The following ATG4A variants were observed in gnomAD, a reference collection of about 807,000 sequenced individuals.
The protein encoded by ATG4A is cysteine protease ATG4A.
A neutral mutation model predicts 38.4 loss-of-function variants in ATG4A; 22 were observed. That is an observed-to-expected ratio of 0.57 (90% confidence interval 0.41 to 0.82). ATG4A has a LOEUF of 0.82. Among genes scored for constraint, ATG4A ranks in the 40% least tolerant of loss-of-function variants. The pLI is 0.00. For missense variants in ATG4A, 220 were observed against 290.0 expected (o/e 0.76, Z 1.75); for synonymous variants, 86 against 100.7 (o/e 0.85, Z 0.88).
At chrX:108,126,672 A>G in intron 2 of ATG4A, 6 of 788,921 alleles carry the variant, frequency 7.6e-6, no homozygotes, top group Non-Finnish European at 1.0e-5. Context: ...CTTAAGTTTT[A>G]GATCTTTTGC....
At position 108,102,024 on chromosome X, in the gene ATG4A, T is replaced by C. The variant is rs1230034745; in HGVS notation, c.10+10188T>C. Among the ~76,000 whole-genome samples, 4 of 111,549 alleles carry C rather than the reference T, an allele frequency of 3.6e-5. No homozygotes were observed. In the Admixed American group the frequency reaches 3.8e-4, roughly 11 times the overall value. ...TTGGCTATTGTGAATAATACTGCAA[T>C]GAACATAGGAGTACAAATATCTCTT... On this transcript the variant is annotated intron_variant, in intron 1 of 12. Transcript: ENST00000372232.
chrX:108,091,841 G>C lies in ATG4A; in HGVS notation c.10+5G>C. On this transcript the variant is annotated splice_donor_5th_base_variant and intron_variant, in intron 1 of 12. Coordinates refer to ENST00000372232, the MANE Select transcript of ATG4A (RefSeq NM_052936.5). ...ACAGCTGGAGAATGGAGTCAGGTAC[G>C]GGGAGCGGCTTTGAGTGGAACCGTG... 1 of 1,211,750 alleles carries C rather than the reference G, an allele frequency of 8.3e-7. No homozygotes were observed. Among genetic ancestry groups the C allele is most frequent in the Non-Finnish European group, 1.1e-6 (1 of 895,494 alleles).
chrX:108,091,586 G>T (rs966730994), upstream of ATG4A: 5 of 1,074,475 alleles, frequency 4.7e-6, no homozygotes, highest in Middle Eastern at 2.5e-4. Flanking sequence ...CTCCGGCTAC[G>T]CCAGTCAAAA....
intron 1 of ATG4A, among the ~76,000 whole-genome samples, chrX:108,098,745 AAAGT>A (rs2031912265): frequency 8.9e-6 from 1 of 111,851 alleles, no homozygotes. Context: ...TTAGAATCAT[AAAGT>A]ATGTGACCTT....
intron 1 of ATG4A, among the ~76,000 whole-genome samples, chrX:108,096,668 T>G (rs2031831076): frequency 9.1e-6 from 1 of 110,486 alleles, no homozygotes; most frequent in Admixed American, 9.6e-5. Flanking sequence ...TTTATTTTAT[T>G]ATTTTATTTT....
Position 108,134,038 on chromosome X carries a change from AT to A in ATG4A, c.293-10del, listed in dbSNP as rs757931045. ...ACAGTTATAAAAATGTTTCTAACCC[AT>A]TTTTTTTTCTTAAAAAGACTGGAGC... On this transcript the variant is annotated intron_variant, in intron 4 of 12. Coordinates refer to ENST00000372232, the MANE Select transcript of ATG4A (RefSeq NM_052936.5). The A allele has an allele frequency of 5.0e-5, 56 of 1,112,904 alleles. No individual in the cohort carries two copies. Among genetic ancestry groups the A allele is most frequent in the East Asian group, 3.1e-4 (10 of 32,381 alleles). 91.7% of individuals were successfully genotyped at this position (1,112,904 alleles called of 1,213,427 possible). A position where few individuals can be genotyped will look rare whatever the true frequency, so the allele number is the denominator to read the frequency against.
chrX:108,134,668 A>G (rs1413183693), intron 6 of ATG4A, among the ~76,000 whole-genome samples: 1 of 112,012 alleles, frequency 8.9e-6, no homozygotes, highest in East Asian at 2.8e-4. Flanking sequence ...TCAGTGTCTC[A>G]TGCTACAGAT....
chrX:108,108,162 T>TG (rs2032241203), intron 1 of ATG4A, among the ~76,000 whole-genome samples: 1 of 97,106 alleles, frequency 1.0e-5, no homozygotes, highest in African/African-American at 3.8e-5. Context: ...TGAGGCACTT[T>TG]TTTTTTTTTT....
intron 9 of ATG4A, among the ~76,000 whole-genome samples, chrX:108,142,132 C>T (rs5973847): frequency 0.051 from 5,673 of 111,382 alleles, 122 homozygotes; most frequent in East Asian, 0.097. Context: ...TGTGGCCAGG[C>T]GCAGTGGCTC....
intron 6 of ATG4A, 79 bp from the exon 7 acceptor site, chrX:108,137,012 C>T: frequency 4.6e-6 from 4 of 869,227 alleles, no homozygotes; most frequent in Non-Finnish European, 6.6e-6. Context: ...ACTTTAGGAA[C>T]ACTGGGCATA....
chrX:108,131,789 G>A (rs1230299012), intron 4 of ATG4A, among the ~76,000 whole-genome samples: 2 of 112,140 alleles, frequency 1.8e-5, no homozygotes, highest in African/African-American at 3.2e-5. Flanking sequence ...GGGAGCTGGC[G>A]CTATTTTGGT....
At chrX:108,100,221 G>A (rs2147959212) in intron 1 of ATG4A, among the ~76,000 whole-genome samples, 1 of 111,191 alleles carries the variant, frequency 9.0e-6, no homozygotes, top group Admixed American at 9.6e-5. Flanking sequence ...GACTATTAAT[G>A]GTATTTTATT....
intron 1 of ATG4A, among the ~76,000 whole-genome samples, chrX:108,122,498 C>A (rs1368812974): frequency 8.9e-6 from 1 of 111,747 alleles, no homozygotes; most frequent in Non-Finnish European, 1.9e-5. Context: ...CTATTCCCAT[C>A]CCTTTCTCCC....
At chrX:108,120,894 A>G (rs187355233) in intron 1 of ATG4A, among the ~76,000 whole-genome samples, 1 of 112,207 alleles carries the variant, frequency 8.9e-6, no homozygotes, top group Admixed American at 9.4e-5. Context: ...TCTCTAATGT[A>G]AGTTTGAAAA....
chrX:108,140,550 TACAC>T lies in ATG4A; in HGVS notation c.814+2375_814+2378del, dbSNP rs763518934. ...TATTATCTCTCTGTCTACACATATA[TACAC>T]ACACACACACACACATTTATACATA... is the stretch of plus-strand genomic sequence containing the variant. On this transcript the variant is annotated intron_variant, in intron 9 of 12. Coordinates refer to ENST00000372232, the MANE Select transcript of ATG4A (RefSeq NM_052936.5). 8.9e-4 allele frequency among the ~76,000 whole-genome samples: 92 copies of T among 102,880 alleles called. 1 individual carries two copies. Among genetic ancestry groups the T allele is most frequent in the Admixed American group, 7.4e-3 (67 of 9,027 alleles). The allele number at this position is 102,880 out of a possible 115,157, so 89.3% of individuals were successfully genotyped here.
intron 11 of ATG4A, among the ~76,000 whole-genome samples, chrX:108,152,391 G>A (rs1187482904): frequency 1.8e-5 from 2 of 110,154 alleles, no homozygotes; most frequent in Non-Finnish European, 1.9e-5. Flanking sequence ...CCACCACCAC[G>A]CCCAGCTAAT....
chrX:108,120,007 T>G (rs1382119283), intron 1 of ATG4A, among the ~76,000 whole-genome samples: 1 of 112,042 alleles, frequency 8.9e-6, no homozygotes, highest in Non-Finnish European at 1.9e-5. Flanking sequence ...ACTGTCCTCC[T>G]TGGGAATTCA....
Position 108,153,772 on chromosome X carries a change from T to C in ATG4A, c.*60T>C, listed in dbSNP as rs1168752620. 2.0e-6 allele frequency: 2 copies of C among 1,018,177 alleles called. No individual in the cohort carries two copies. Among genetic ancestry groups the C allele is most frequent in the African/African-American group, 3.8e-5 (2 of 53,086 alleles). 83.9% of individuals were successfully genotyped at this position (1,018,177 alleles called of 1,213,427 possible). A position where few individuals can be genotyped will look rare whatever the true frequency, so the allele number is the denominator to read the frequency against. On this transcript the variant is annotated 3_prime_UTR_variant, in exon 13 of 13. Transcript: ENST00000372232. ...ATCTGGCACCATAAAAACATGAACT[T>C]ATTGCATAAAACTTTTCTAGTCAGC...
intron 2 of ATG4A, 104 bp downstream of exon 2, chrX:108,126,291 C>A: frequency 1.8e-6 from 1 of 564,150 alleles, no homozygotes; most frequent in South Asian, 2.6e-5. Context: ...TTGTCTTGCT[C>A]AATGTTAATG....
Sources: gnomAD v4.1 joint callset for allele counts (sites outside exome capture counted in the v4.1 genomes callset) on GRCh38, gnomAD v4.1.1 for gene constraint, MANE v1.5 for transcripts, NCBI Gene and HGNC (gene_info 2026-07-23, HGNC 2026-07-21) for gene names.